Variants in NCKAP5 observed in about 807,000 individuals in gnomAD.
NCKAP5 encodes the protein NCK associated protein 5, also known as nck-associated protein 5.
NCKAP5 carries 92 observed loss-of-function variants against 167.0 expected under a neutral mutation model. The observed-to-expected ratio is 0.55, with a 90% confidence interval of 0.47 to 0.66. The LOEUF is 0.66. NCKAP5 is among the 30% of genes least tolerant of loss of function. NCKAP5 has a pLI of 0.00. For synonymous variants in NCKAP5, 891 were observed against 877.4 expected (o/e 1.02, Z -0.27); for missense variants, 2,378 against 2,315.0 (o/e 1.03, Z -0.56).
At chr2:132,920,771 G>GTATATATATATATATATATATATATATA (rs55895538) in intron 8 of NCKAP5, among the ~76,000 whole-genome samples, 1 of 31,570 alleles carries the variant, frequency 3.2e-5, no homozygotes, top group Admixed American at 4.4e-4. Flanking sequence ...ATATATGTAT[G>GTATATATATATATATATATATATATATA]TATATATATA....
chr2:133,030,879 GGTGGCTGCTGCCTTCCTTGGCTT>G (rs1391779541), intron 6 of NCKAP5, among the ~76,000 whole-genome samples: 1 of 152,076 alleles, frequency 6.6e-6, no homozygotes, highest in East Asian at 1.9e-4. Flanking sequence ...TGCAGCTTCT[GGTGGCTGCTGCCTTCCTTGGCTT>G]GTGGCTGCAT....
At chr2:132,920,745 G>A (rs5009088) in intron 8 of NCKAP5, among the ~76,000 whole-genome samples, 18 of 64,672 alleles carry the variant, frequency 2.8e-4, no homozygotes, top group African/African-American at 3.6e-4. Context: ...ATATATATGT[G>A]TATATATATA....
chr2:132,692,311 T>G (rs534462707), intron 19 of NCKAP5, among the ~76,000 whole-genome samples: 2 of 151,902 alleles, frequency 1.3e-5, no homozygotes, highest in East Asian at 3.9e-4. Flanking sequence ...CCCAGTTAAT[T>G]TTGTTGTTGT....
At chr2:133,326,503 C>G (rs1176040659) in intron 3 of NCKAP5, among the ~76,000 whole-genome samples, 1 of 149,998 alleles carries the variant, frequency 6.7e-6, no homozygotes, top group East Asian at 2.0e-4. Flanking sequence ...GACAACAAAG[C>G]TGGTCACAGA....
At chr2:133,600,124 C>A in the NCKAP5 span, among the ~76,000 whole-genome samples, 7 of 152,182 alleles carry the variant, frequency 4.6e-5, no homozygotes, top group Non-Finnish European at 1.5e-5. Flanking sequence ...CGAGGATGTG[C>A]TCAGAAAGGC....
rs543472428 is a variant in NCKAP5 at position 133,414,025 on chromosome 2, G to A, written c.69+103433C>T. Reference sequence around the variant, plus strand: ...ACTATCCTGGTGCCCTTGGGGCCTTGCACATAATAGGTATCATTATAGTAT... The same window carrying A: ...ACTATCCTGGTGCCCTTGGGGCCTTACACATAATAGGTATCATTATAGTAT... On this transcript the variant is annotated intron_variant, in intron 3 of 19. Coordinates refer to ENST00000409261, the MANE Select transcript of NCKAP5 (RefSeq NM_207363.3). Among the ~76,000 whole-genome samples the A allele has an allele frequency of 3.9e-4, 60 of 152,250 alleles. 1 individual carries two copies. In the South Asian group the frequency reaches 5.0e-3, roughly 13 times the overall value.
intron 16 of NCKAP5, among the ~76,000 whole-genome samples, chr2:132,750,242 C>T (rs915530666): frequency 3.3e-5 from 5 of 152,034 alleles, no homozygotes; most frequent in Admixed American, 1.3e-4. Context: ...GTTCAGGAAG[C>T]GTAAGGAAGA....
chr2:133,366,528 T>A (rs1404821802), intron 3 of NCKAP5, among the ~76,000 whole-genome samples: 2 of 152,130 alleles, frequency 1.3e-5, no homozygotes, highest in Non-Finnish European at 2.9e-5. Context: ...TCTTGAACTC[T>A]TGACCTCAAG....
chr2:133,529,959 T>G (rs1685226769), intron 2 of NCKAP5, among the ~76,000 whole-genome samples: 1 of 152,326 alleles, frequency 6.6e-6, no homozygotes, highest in African/African-American at 2.4e-5. Flanking sequence ...CCAGTCTACC[T>G]CTTGTCTCTT....
At chr2:133,580,142 G>T in the NCKAP5 span, among the ~76,000 whole-genome samples, 1 of 152,096 alleles carries the variant, frequency 6.6e-6, no homozygotes, top group Non-Finnish European at 1.5e-5. Flanking sequence ...TTCCTTTCGG[G>T]AATTGTTTAC....
At chr2:133,050,418 A>G (rs1409186849) in intron 6 of NCKAP5, among the ~76,000 whole-genome samples, 1 of 152,134 alleles carries the variant, frequency 6.6e-6, no homozygotes, top group Non-Finnish European at 1.5e-5. Flanking sequence ...AGGGGAGTTT[A>G]TTTAGGTAGG....
chr2:132,840,430 C>T lies in NCKAP5; in HGVS notation c.807+20062G>A, dbSNP rs536408982. On this transcript the variant is annotated intron_variant, in intron 11 of 19. Coordinates refer to ENST00000409261, the MANE Select transcript of NCKAP5 (RefSeq NM_207363.3). The stretch of plus-strand genomic sequence containing the variant: ...AGCTGAGATTACAGTTGCCCACCAC[C>T]ATGCCCGACTAATTTTTTGTATTTT... Among the ~76,000 whole-genome samples the T allele has an allele frequency of 7.9e-5, 12 of 152,180 alleles. No homozygotes were observed. The South Asian group carries it at 2.5e-3, about 32-fold the overall frequency.
chr2:132,880,158 C>T (rs754916875), intron 8 of NCKAP5, among the ~76,000 whole-genome samples: 3 of 151,824 alleles, frequency 2.0e-5, no homozygotes, highest in South Asian at 2.1e-4. Context: ...GGGGTAGGTG[C>T]GAGAGGGGAT....
At chr2:133,299,337 G>A (rs1360962446) in intron 4 of NCKAP5, among the ~76,000 whole-genome samples, 1 of 152,160 alleles carries the variant, frequency 6.6e-6, no homozygotes, top group Non-Finnish European at 1.5e-5. Flanking sequence ...CTGGTGAGGA[G>A]CCCCATGGTG....
chr2:132,715,981 T>C (rs907108069), intron 19 of NCKAP5, among the ~76,000 whole-genome samples: 1 of 152,174 alleles, frequency 6.6e-6, no homozygotes, highest in Non-Finnish European at 1.5e-5. Context: ...TTTGTACCCA[T>C]TATCTCCCTG....
At chr2:133,468,464 G>T (rs1044935811) in intron 3 of NCKAP5, among the ~76,000 whole-genome samples, 1 of 151,142 alleles carries the variant, frequency 6.6e-6, no homozygotes, top group African/African-American at 2.4e-5. Flanking sequence ...GTGTGGTGTG[G>T]TGCTGAAAAA....
chr2:133,306,811 C>G (rs1245266087), intron 3 of NCKAP5, among the ~76,000 whole-genome samples: 1 of 152,198 alleles, frequency 6.6e-6, no homozygotes, highest in African/African-American at 2.4e-5. Flanking sequence ...GTCTATTTCT[C>G]AATATCTCAT....
In NCKAP5 at chr2:132,785,169, T is replaced by A. The variant is rs1683450943; in HGVS notation, c.1642A>T (p.Met548Leu). 1 of 1,598,504 alleles carries A rather than the reference T, an allele frequency of 6.3e-7. No individual in the cohort carries two copies. The highest frequency in any genetic ancestry group is 1.3e-5 in the African/African-American group (1 of 74,126). Residue 548 changes from methionine (M) to leucine (L), a missense_variant, in exon 14 of 20, where the codon ATG becomes TTG. Transcript: ENST00000409261. The part of the protein sequence containing the change: ...TSCASSCPLE[M>L]KLCPSVQTPQ... ...GTCTGCACACTTGGGCACAGCTTCA[T>A]CTCTAAGGGACAGCTGCTGGCGCAA...
intron 3 of NCKAP5, among the ~76,000 whole-genome samples, chr2:133,503,865 C>T (rs1235690055): frequency 1.3e-5 from 2 of 152,144 alleles, no homozygotes; most frequent in South Asian, 2.1e-4. Context: ...TCCATCAGCC[C>T]CACCAAATCA....
Sources: allele counts gnomAD v4.1 joint callset (sites outside exome capture counted in the v4.1 genomes callset), GRCh38; gene constraint gnomAD v4.1.1; transcripts MANE v1.5; gene names NCBI Gene and HGNC (gene_info 2026-07-23, HGNC 2026-07-21).